FBXW7: variants seen among roughly 807,000 people sequenced by gnomAD.
FBXW7 encodes F-box/WD repeat-containing protein 7.
Under a neutral mutation model 86.3 loss-of-function variants are expected in FBXW7, and 11 were observed. The ratio of observed to expected loss-of-function variants is 0.13; its 90% CI spans 0.08 to 0.21. FBXW7 has a LOEUF of 0.21. FBXW7 is among the 10% of genes least tolerant of loss of function. The pLI is 1.00. For synonymous variants in FBXW7, 313 were observed against 297.9 expected (o/e 1.05, Z -0.52); for missense variants, 488 against 847.4 (o/e 0.58, Z 5.27).
At chr4:152,352,832 G>A in intron 4 of FBXW7, 1 of 1,532,902 alleles carries the variant, frequency 6.5e-7, no homozygotes, top group Non-Finnish European at 8.7e-7. Context: ...TGACTGAACA[G>A]ATTCCTCCCT....
chr4:152,453,979 A>G (rs80120139), intron 2 of FBXW7, among the ~76,000 whole-genome samples: 1 of 152,128 alleles, frequency 6.6e-6, no homozygotes, highest in Admixed American at 6.5e-5. Context: ...AATTCCAGAC[A>G]TCACGTCATT....
At chr4:152,343,662 G>A (rs1280806141) in intron 6 of FBXW7, among the ~76,000 whole-genome samples, 3 of 152,042 alleles carry the variant, frequency 2.0e-5, no homozygotes, top group African/African-American at 7.2e-5. Flanking sequence ...TCTTTACCCA[G>A]TCTGAAAAGT....
At chr4:152,532,539 A>G (rs1750113175) in intron 2 of FBXW7, among the ~76,000 whole-genome samples, 1 of 152,178 alleles carries the variant, frequency 6.6e-6, no homozygotes, top group African/African-American at 2.4e-5. Context: ...TCGTAATTTT[A>G]TCTGTCCCTT....
intron 10 of FBXW7, among the ~76,000 whole-genome samples, chr4:152,329,332 A>G (rs1013188952): frequency 2.0e-5 from 3 of 151,998 alleles, no homozygotes; most frequent in Non-Finnish European, 4.4e-5. Context: ...AAAACATTAC[A>G]AAGTAATGAG....
chr4:152,528,075 A>T (rs1318342440), intron 2 of FBXW7, among the ~76,000 whole-genome samples: 2 of 152,152 alleles, frequency 1.3e-5, no homozygotes, highest in African/African-American at 2.4e-5. Context: ...TAATATTAAA[A>T]ATATTTTGTA....
intron 4 of FBXW7, among the ~76,000 whole-genome samples, chr4:152,378,399 A>G (rs1269211465): frequency 1.3e-5 from 2 of 152,102 alleles, no homozygotes; most frequent in Non-Finnish European, 1.5e-5. Flanking sequence ...CTTGTCCCTT[A>G]TCTGTGCTCC....
chr4:152,356,607 G>A (rs1732408120), intron 4 of FBXW7, among the ~76,000 whole-genome samples: 2 of 152,132 alleles, frequency 1.3e-5, no homozygotes, highest in Non-Finnish European at 2.9e-5. Flanking sequence ...CAAAATTACA[G>A]ACAGTTCAAA....
intron 2 of FBXW7, among the ~76,000 whole-genome samples, chr4:152,512,131 C>T (rs1560985962): frequency 6.6e-6 from 1 of 152,114 alleles, no homozygotes; most frequent in Non-Finnish European, 1.5e-5. Context: ...ACTGTTTCTT[C>T]TTTACTGATA....
intron 6 of FBXW7, among the ~76,000 whole-genome samples, chr4:152,342,608 T>A (rs1730858722): frequency 6.6e-6 from 1 of 152,180 alleles, no homozygotes; most frequent in Non-Finnish European, 1.5e-5. Context: ...GCACCTGAAT[T>A]TCATGTGGTA....
intron 4 of FBXW7, among the ~76,000 whole-genome samples, chr4:152,377,866 A>C (rs1734699528): frequency 6.6e-6 from 1 of 152,128 alleles, no homozygotes; most frequent in Admixed American, 6.6e-5. Context: ...GTAATGGCTT[A>C]AAGCTCCAGA....
chr4:152,326,029 T>A lies in FBXW7; in HGVS notation c.1621A>T (p.Thr541Ser), dbSNP rs1184403966. 1 of 1,613,138 alleles carries A rather than the reference T, an allele frequency of 6.2e-7. No homozygotes were observed. The highest frequency in any genetic ancestry group is 8.5e-7 in the Non-Finnish European group (1 of 1,179,356). Residue 541 changes from threonine (T) to serine (S), a missense_variant, in exon 12 of 14, where the codon ACT becomes TCT. Around this residue, in one of 4 missense-constraint regions of FBXW7, gnomAD observed 142 missense variants for 406.6 expected, o/e 0.35. Coordinates refer to ENST00000281708, the MANE Select transcript of FBXW7 (RefSeq NM_001349798.2). ...ACCTGTAATGAATAGACTCTATTAG[T>A]ATGCCCCTGCAACGTGTGTAGACAG... is the stretch of plus-strand genomic sequence containing the variant. ...ETCLHTLQGH[T>S]NRVYSLQFDG...
chr4:152,334,265 G>C (rs910007522), intron 7 of FBXW7, among the ~76,000 whole-genome samples: 3 of 152,024 alleles, frequency 2.0e-5, no homozygotes, highest in African/African-American at 7.2e-5. Context: ...AAATAAAAAG[G>C]TGTAACTATA....
At chr4:152,383,993 G>A (rs1413296087) in intron 4 of FBXW7, among the ~76,000 whole-genome samples, 1 of 152,106 alleles carries the variant, frequency 6.6e-6, no homozygotes, top group Non-Finnish European at 1.5e-5. Flanking sequence ...CATCCATTAG[G>A]ATGGTTTTAA....
rs1731669352 is a variant in FBXW7, at chr4:152,350,185, T to A, written c.502-61A>T. 6.7e-6 allele frequency: 6 copies of A among 901,942 alleles called. No individual in the cohort carries two copies. The South Asian group carries it at 1.2e-4, about 17-fold the overall frequency. The allele number at this position is 901,942 out of a possible 1,614,324, so 55.9% of individuals were successfully genotyped here. On this transcript the variant is annotated intron_variant, in intron 4 of 13. Coordinates refer to ENST00000281708, the MANE Select transcript of FBXW7 (RefSeq NM_001349798.2). ...AATCGTCTAACTATCAAATCTTGAG[T>A]CAGCATGGTTAATATTTTAAATTCT... is the stretch of plus-strand genomic sequence containing the variant.
intron 2 of FBXW7, among the ~76,000 whole-genome samples, chr4:152,452,365 C>T (rs992191692): frequency 1.3e-5 from 2 of 152,092 alleles, no homozygotes; most frequent in South Asian, 2.1e-4. Context: ...TAAAATACAG[C>T]GTTGGTCATT....
At chr4:152,328,057 A>G (rs1391063716) in intron 11 of FBXW7, 151 bp downstream of exon 11, 2 of 645,612 alleles carry the variant, frequency 3.1e-6, no homozygotes, top group Middle Eastern at 4.1e-4. Flanking sequence ...ACAAAACGCT[A>G]TGGCTTTCCT....
At chr4:152,518,436 A>G (rs1326885677) in intron 2 of FBXW7, among the ~76,000 whole-genome samples, 1 of 152,152 alleles carries the variant, frequency 6.6e-6, no homozygotes, top group Non-Finnish European at 1.5e-5. Flanking sequence ...AACTAGGACT[A>G]CAGGTGCACA....
chr4:152,490,678 C>A (rs950426022), intron 2 of FBXW7, among the ~76,000 whole-genome samples: 5 of 152,074 alleles, frequency 3.3e-5, no homozygotes, highest in African/African-American at 9.7e-5. Context: ...TGCCTAAATA[C>A]TCCATGGAAA....
At chr4:152,367,010 G>C (rs1009002098) in intron 4 of FBXW7, among the ~76,000 whole-genome samples, 4 of 152,138 alleles carry the variant, frequency 2.6e-5, no homozygotes, top group Non-Finnish European at 5.9e-5. Context: ...ATCACTCTGA[G>C]CAAACTATCA....
Sources: gnomAD v4.1 joint callset for allele counts (sites outside exome capture counted in the v4.1 genomes callset) on GRCh38, gnomAD v4.1.1 for gene constraint, gnomAD v4.1.1 regional missense constraint, MANE v1.5 for transcripts, NCBI Gene and HGNC (gene_info 2026-07-23, HGNC 2026-07-21) for gene names.